Variants in TRAP1 observed in about 807,000 individuals in gnomAD.
TRAP1 encodes the protein heat shock protein 75 kDa, mitochondrial.
Under a neutral mutation model 89.1 loss-of-function variants are expected in TRAP1, and 102 were observed. The ratio of observed to expected loss-of-function variants is 1.15; its 90% CI spans 0.98 to 1.35. The LOEUF (loss-of-function observed/expected upper bound fraction) is 1.35. Among genes scored for constraint, TRAP1 ranks in the 40% most tolerant of loss-of-function variants. The pLI is 0.00. For synonymous variants in TRAP1, 508 were observed against 388.0 expected, an observed-to-expected ratio of 1.31 and a Z score of -3.64; for missense variants, 1,256 against 945.3, an observed-to-expected ratio of 1.33 and a Z score of -4.31.
intron 15 of TRAP1, 67 bp from the exon 16 acceptor site, chr16:3,662,199 C>G (rs1204849760): frequency 1.9e-6 from 3 of 1,559,434 alleles, no homozygotes; most frequent in Admixed American, 1.8e-5. Context: ...CAGGATCTTA[C>G]CAGGGGTGAA....
At chr16:3,689,743 G>A (rs1301933869) in intron 2 of TRAP1, 1 of 152,448 alleles carries the variant, frequency 6.6e-6, no homozygotes, top group Non-Finnish European at 1.5e-5. Context: ...AGGGGGCTGA[G>A]GTGGGAGGAT....
At chr16:3,697,119 G>A (rs2051298478) in intron 1 of TRAP1, among the ~76,000 whole-genome samples, 1 of 152,158 alleles carries the variant, frequency 6.6e-6, no homozygotes, top group African/African-American at 2.4e-5. Flanking sequence ...GTACTAAAGT[G>A]CATATCATCC....
chr16:3,701,607 T>C (rs1279291708), intron 1 of TRAP1, among the ~76,000 whole-genome samples: 2 of 148,320 alleles, frequency 1.3e-5, no homozygotes, highest in African/African-American at 2.5e-5. Flanking sequence ...GGGCAAAAGA[T>C]ATGAACGGCA....
intron 1 of TRAP1, among the ~76,000 whole-genome samples, chr16:3,706,335 T>A (rs947576837): frequency 1.3e-5 from 2 of 152,014 alleles, no homozygotes; most frequent in Admixed American, 1.3e-4. Context: ...AGTGGCTGTT[T>A]ACAGGCACTG....
chr16:3,672,595 C>G lies in TRAP1; in HGVS notation c.1165+105G>C, dbSNP rs1048966926. Reference sequence around the variant, plus strand: ...GGCAGCGCAGGCCGACGGCGGTGCTCTCGCTGCAGAGGGCTGCTGAGAATG... The same window carrying G: ...GGCAGCGCAGGCCGACGGCGGTGCTGTCGCTGCAGAGGGCTGCTGAGAATG... On this transcript the variant is annotated intron_variant, in intron 10 of 17. Transcript: ENST00000246957. The G allele has an allele frequency of 2.2e-5, 32 of 1,446,762 alleles. No individual in the cohort carries two copies. The African/African-American group carries it at 4.0e-4, about 18-fold the overall frequency. 89.6% of individuals were successfully genotyped at this position (1,446,762 alleles called of 1,614,324 possible). A position where few individuals can be genotyped will look rare whatever the true frequency, so the allele number is the denominator to read the frequency against.
At chr16:3,701,502 G>C (rs1333079744) in intron 1 of TRAP1, among the ~76,000 whole-genome samples, 3 of 147,598 alleles carry the variant, frequency 2.0e-5, no homozygotes, top group African/African-American at 7.5e-5. Flanking sequence ...AGTGAGCTGA[G>C]ATCGCGCCCC....
intron 1 of TRAP1, among the ~76,000 whole-genome samples, chr16:3,712,738 C>T (rs1037528125): frequency 2.0e-5 from 3 of 152,150 alleles, no homozygotes; most frequent in African/African-American, 7.2e-5. Context: ...CCTCAGCCTC[C>T]CAAGTATCTG....
intron 1 of TRAP1, among the ~76,000 whole-genome samples, chr16:3,704,047 C>A (rs1200055068): frequency 6.6e-6 from 1 of 151,322 alleles, no homozygotes; most frequent in East Asian, 1.9e-4. Context: ...AAACTATTTA[C>A]AAAAGTTACA....
Position 3,658,095 on chromosome 16 carries a change from A to G in TRAP1, c.*34T>C, listed in dbSNP as rs1259807082. ...TAAAGCTCAAGGAGGTGGGGCTGTC[A>G]TCTGTGGTGTCAGTCCTTCTGGCCC... On this transcript the variant is annotated 3_prime_UTR_variant, in exon 18 of 18. Coordinates refer to ENST00000246957, the MANE Select transcript of TRAP1 (RefSeq NM_016292.3). The G allele has an allele frequency of 1.2e-6, 2 of 1,611,776 alleles. No homozygotes were observed. The highest frequency in any genetic ancestry group is 3.3e-5 in the Admixed American group (2 of 59,966).
intron 1 of TRAP1, among the ~76,000 whole-genome samples, chr16:3,702,220 G>C (rs968590800): frequency 6.6e-6 from 1 of 151,774 alleles, no homozygotes; most frequent in Non-Finnish European, 1.5e-5. Context: ...CATCGGATGA[G>C]GAATTCAGTC....
chr16:3,677,884 TG>T (rs2051020910), intron 5 of TRAP1: 5 of 533,398 alleles, frequency 9.4e-6, no homozygotes. Flanking sequence ...GTTTTCCATT[TG>T]ATTCCCAAAG....
chr16:3,667,404 A>G (rs921277593), intron 11 of TRAP1, among the ~76,000 whole-genome samples: 1 of 151,958 alleles, frequency 6.6e-6, no homozygotes, highest in Non-Finnish European at 1.5e-5. Flanking sequence ...CGGGCGGATC[A>G]CCAGAGGTCA....
intron 13 of TRAP1, chr16:3,663,841 AAGC>A (rs2050753610): frequency 2.3e-6 from 1 of 439,718 alleles, no homozygotes; most frequent in East Asian, 4.2e-5. Flanking sequence ...TGGGAGGCCA[AAGC>A]AGGCAGATCA....
intron 14 of TRAP1, 198 bp downstream of exon 14, chr16:3,663,226 G>A (rs2050728490): frequency 4.1e-6 from 3 of 724,188 alleles, no homozygotes; most frequent in Non-Finnish European, 6.6e-6. Flanking sequence ...ACCGTGGCAG[G>A]AGCACTGGAC....
intron 7 of TRAP1, among the ~76,000 whole-genome samples, chr16:3,675,654 G>C (rs897424344): frequency 6.6e-6 from 1 of 152,220 alleles, no homozygotes; most frequent in East Asian, 1.9e-4. Flanking sequence ...CTTGTGGCTG[G>C]AACATGGCTT....
intron 11 of TRAP1, among the ~76,000 whole-genome samples, chr16:3,666,660 G>A (rs2050835615): frequency 1.3e-5 from 2 of 151,976 alleles, no homozygotes; most frequent in Admixed American, 1.3e-4. Flanking sequence ...GTAAATTACA[G>A]TACGTCTATA....
chr16:3,706,267 T>A (rs1291974984), intron 1 of TRAP1, among the ~76,000 whole-genome samples: 1 of 151,772 alleles, frequency 6.6e-6, no homozygotes, highest in Non-Finnish European at 1.5e-5. Context: ...CTTCCAACTT[T>A]TTACTGTAAC....
chr16:3,702,950 G>A lies in TRAP1; in HGVS notation c.89-11965C>T, dbSNP rs181893857. Reference sequence around the variant, plus strand: ...CCAGCTACTTGGGAGGCCGAGGTAGGAGAATCGCTTGAACCCAGGAGGTGG... The same window carrying A: ...CCAGCTACTTGGGAGGCCGAGGTAGAAGAATCGCTTGAACCCAGGAGGTGG... On this transcript the variant is annotated intron_variant, in intron 1 of 17. Transcript: ENST00000246957. Among the ~76,000 whole-genome samples the A allele has an allele frequency of 4.4e-3, 651 of 149,212 alleles. 15 individuals are homozygous for A. Among genetic ancestry groups the A allele is most frequent in the African/African-American group, 0.016 (626 of 39,928 alleles).
intron 9 of TRAP1, 104 bp from the exon 10 acceptor site, chr16:3,672,924 C>T: frequency 6.9e-7 from 1 of 1,441,538 alleles, no homozygotes; most frequent in African/African-American, 1.4e-5. Context: ...CCACTCCCGC[C>T]TCGCCCTCCC....
Sources: gnomAD v4.1 joint callset for allele counts (sites outside exome capture counted in the v4.1 genomes callset) on GRCh38, gnomAD v4.1.1 for gene constraint, MANE v1.5 for transcripts, NCBI Gene and HGNC (gene_info 2026-07-23, HGNC 2026-07-21) for gene names.